SBF2: variants seen among roughly 807,000 people sequenced by gnomAD.
SBF2 encodes myotubularin-related protein 13.
SBF2 carries 112 observed loss-of-function variants against 225.2 expected under a neutral mutation model. The ratio of observed to expected loss-of-function variants is 0.50; its 90% CI spans 0.43 to 0.58. The LOEUF is 0.58. Among genes scored for constraint, SBF2 ranks in the 20% least tolerant of loss-of-function variants. SBF2 has a pLI of 0.00. For synonymous variants in SBF2, 763 were observed against 773.3 expected, an observed-to-expected ratio of 0.99 and a Z score of 0.22; for missense variants, 1,996 against 2,206.2, an observed-to-expected ratio of 0.90 and a Z score of 1.91.
chr11:10,084,266 A>G (rs1254269539), intron 2 of SBF2, among the ~76,000 whole-genome samples: 2 of 152,220 alleles, frequency 1.3e-5, no homozygotes, highest in Non-Finnish European at 2.9e-5. Flanking sequence ...AAAGTGTGCA[A>G]AAGACATGAA....
At chr11:9,843,055 T>C (rs1856276139) in intron 24 of SBF2, among the ~76,000 whole-genome samples, 3 of 152,222 alleles carry the variant, frequency 2.0e-5, no homozygotes, top group Admixed American at 2.0e-4. Context: ...TTGGTTTAGC[T>C]TGTCGGGGAG....
chr11:10,215,466 C>T (rs74991527), intron 1 of SBF2, among the ~76,000 whole-genome samples: 1 of 152,216 alleles, frequency 6.6e-6, no homozygotes, highest in Non-Finnish European at 1.5e-5. Context: ...TTGTAGGAAC[C>T]TCTTTGTGTA....
intron 37 of SBF2, 65 bp downstream of exon 37, chr11:9,785,060 C>T: frequency 7.1e-7 from 1 of 1,410,116 alleles, no homozygotes; most frequent in Non-Finnish European, 1.0e-6. Flanking sequence ...ATTGAGGGAC[C>T]TGTGGTTTAG....
intron 14 of SBF2, among the ~76,000 whole-genome samples, chr11:9,967,269 G>C (rs1438782830): frequency 1.3e-5 from 2 of 152,054 alleles, no homozygotes; most frequent in African/African-American, 4.8e-5. Flanking sequence ...CTACTCAAGA[G>C]GCTGAGGCAG....
chr11:10,002,308 TTG>T (rs1948005387), intron 7 of SBF2, among the ~76,000 whole-genome samples: 1 of 151,910 alleles, frequency 6.6e-6, no homozygotes, highest in African/African-American at 2.4e-5. Flanking sequence ...TTTATGCCAA[TTG>T]TGTTAAAAGT....
chr11:9,787,342 G>A (rs1035725872), intron 36 of SBF2, among the ~76,000 whole-genome samples: 1 of 152,234 alleles, frequency 6.6e-6, no homozygotes, highest in Non-Finnish European at 1.5e-5. Flanking sequence ...TGTGGTAGAA[G>A]ATCAGCTGAA....
intron 2 of SBF2, among the ~76,000 whole-genome samples, chr11:10,180,105 A>G (rs756588650): frequency 4.6e-5 from 7 of 151,960 alleles, no homozygotes; most frequent in Non-Finnish European, 8.8e-5. Context: ...TTATTGGTTC[A>G]TCTTTTAGTC....
chr11:10,073,758 C>A (rs532488113), intron 2 of SBF2, among the ~76,000 whole-genome samples: 1 of 152,144 alleles, frequency 6.6e-6, no homozygotes. Context: ...GGAGACCTAT[C>A]AACCAAATGC....
intron 17 of SBF2, among the ~76,000 whole-genome samples, chr11:9,893,637 C>T (rs558969504): frequency 6.6e-6 from 1 of 152,302 alleles, no homozygotes; most frequent in African/African-American, 2.4e-5. Flanking sequence ...GTTTCACTAG[C>T]ACCCTAGAAG....
intron 2 of SBF2, among the ~76,000 whole-genome samples, chr11:10,127,031 G>A (rs1953788835): frequency 2.6e-5 from 4 of 151,928 alleles, no homozygotes; most frequent in South Asian, 4.2e-4. Flanking sequence ...CAGGAGGTAG[G>A]GGCAAAGGGA....
At chr11:9,804,789 T>G (rs764292379) in intron 32 of SBF2, among the ~76,000 whole-genome samples, 2 of 152,226 alleles carry the variant, frequency 1.3e-5, no homozygotes, top group Non-Finnish European at 1.5e-5. Flanking sequence ...TCCCTTTGTG[T>G]GCTGAGTGGT....
chr11:10,272,082 G>C lies in SBF2; in HGVS notation c.55+21933C>G, dbSNP rs1189862485. 79 of 1,142,640 alleles carry C rather than the reference G, an allele frequency of 6.9e-5. 26 individuals are homozygous for C. Among genetic ancestry groups the C allele is most frequent in the Non-Finnish European group, 9.2e-5 (75 of 813,360 alleles). 70.8% of individuals were successfully genotyped at this position (1,142,640 alleles called of 1,614,324 possible). A position where few individuals can be genotyped will look rare whatever the true frequency, so the allele number is the denominator to read the frequency against. The stretch of plus-strand genomic sequence containing the variant: ...AGTAAAGCACAGGATCTAGGCTCCC[G>C]GAAGGGGTTACTTCCAGCTGGAACA... On this transcript the variant is annotated intron_variant, in intron 1 of 39. Coordinates refer to ENST00000256190, the MANE Select transcript of SBF2 (RefSeq NM_030962.4).
At chr11:10,236,676 A>G (rs143147329) in intron 1 of SBF2, among the ~76,000 whole-genome samples, 17 of 152,240 alleles carry the variant, frequency 1.1e-4, no homozygotes, top group African/African-American at 4.1e-4. Context: ...GTTGGCCAGG[A>G]TGGTCTCGAG....
chr11:10,148,252 A>G lies in SBF2; in HGVS notation c.141+45650T>C, dbSNP rs1228118246. Among the ~76,000 whole-genome samples, 10 of 152,276 alleles carry G rather than the reference A, an allele frequency of 6.6e-5. No individual in the cohort carries two copies. The East Asian group carries it at 1.9e-3, about 29-fold the overall frequency. ...GCAGTAGAGAGAGAATACTTGGTAC[A>G]TGGTCATTTAGGGAACTAAGTTCCA... is the stretch of plus-strand genomic sequence containing the variant. On this transcript the variant is annotated intron_variant, in intron 2 of 39. Transcript: ENST00000256190.
intron 2 of SBF2, among the ~76,000 whole-genome samples, chr11:10,118,497 A>T (rs916408076): frequency 9.4e-5 from 14 of 148,158 alleles, no homozygotes; most frequent in Admixed American, 8.8e-4. Flanking sequence ...GCTTAGTATC[A>T]AATTTTAAAA....
At chr11:10,159,174 T>C (rs545038053) in intron 2 of SBF2, among the ~76,000 whole-genome samples, 7 of 152,296 alleles carry the variant, frequency 4.6e-5, no homozygotes, top group African/African-American at 1.4e-4. Flanking sequence ...GCTTCTAACC[T>C]CCAAGCTGTC....
intron 16 of SBF2, chr11:9,961,124 T>A (rs563630326): frequency 3.3e-5 from 5 of 152,302 alleles, no homozygotes; most frequent in East Asian, 3.9e-4. Flanking sequence ...TTGGGGAGAA[T>A]TGATATCTTT....
intron 1 of SBF2, among the ~76,000 whole-genome samples, chr11:10,258,987 T>C (rs925362894): frequency 6.6e-6 from 1 of 152,182 alleles, no homozygotes; most frequent in African/African-American, 2.4e-5. Context: ...AAGTAAGAGA[T>C]GGACTCTGTT....
intron 14 of SBF2, among the ~76,000 whole-genome samples, chr11:9,965,660 T>G (rs1227761422): frequency 6.6e-6 from 1 of 152,212 alleles, no homozygotes; most frequent in African/African-American, 2.4e-5. Flanking sequence ...ATCTTTGTAC[T>G]CATCACCCAG....
Sources: allele counts gnomAD v4.1 joint callset (sites outside exome capture counted in the v4.1 genomes callset), GRCh38; gene constraint gnomAD v4.1.1; transcripts MANE v1.5; gene names NCBI Gene and HGNC (gene_info 2026-07-23, HGNC 2026-07-21).